The following KCNMA1 variants were observed in gnomAD, a reference collection of about 807,000 sequenced individuals.
KCNMA1 encodes the protein potassium calcium-activated channel subfamily M alpha 1.
A neutral mutation model predicts 140.0 loss-of-function variants in KCNMA1; 29 were observed. The observed-to-expected ratio is 0.21, with a 90% CI of 0.15 to 0.28. KCNMA1 has a LOEUF of 0.28. Ranked by LOEUF, KCNMA1 falls within the 10% of genes least tolerant of loss-of-function variation. The pLI is 1.00. For synonymous variants in KCNMA1, 612 were observed against 611.9 expected (o/e 1.00, Z 0.00); for missense variants, 880 against 1,602.2 (o/e 0.55, Z 7.70).
intron 5 of KCNMA1, among the ~76,000 whole-genome samples, chr10:77,134,041 T>C (rs2766624): frequency 0.15 from 23,273 of 152,142 alleles, 3,781 homozygotes; most frequent in East Asian, 0.87. Context: ...ACAGGCATCA[T>C]GCAATGATGG....
At chr10:77,393,025 C>G (rs1180687005) in intron 2 of KCNMA1, among the ~76,000 whole-genome samples, 3 of 152,268 alleles carry the variant, frequency 2.0e-5, no homozygotes, top group African/African-American at 7.2e-5. Context: ...AGTCCCCAGC[C>G]AGCTCAGGGA....
At chr10:77,104,145 C>A (rs2097154662) in intron 9 of KCNMA1, among the ~76,000 whole-genome samples, 1 of 152,206 alleles carries the variant, frequency 6.6e-6, no homozygotes, top group Admixed American at 6.5e-5. Flanking sequence ...TAATACCTTT[C>A]TCACAGGATC....
At chr10:77,559,334 C>T (rs911545223) in intron 1 of KCNMA1, among the ~76,000 whole-genome samples, 1 of 152,228 alleles carries the variant, frequency 6.6e-6, no homozygotes, top group Non-Finnish European at 1.5e-5. Flanking sequence ...CATGCCTCCC[C>T]ATGATCCAGC....
chr10:77,575,688 G>A (rs1388747640), intron 1 of KCNMA1, among the ~76,000 whole-genome samples: 2 of 152,244 alleles, frequency 1.3e-5, no homozygotes, highest in Non-Finnish European at 2.9e-5. Context: ...ATCACCCGGG[G>A]AGCATCTGAA....
chr10:77,489,824 G>C (rs1487322552), intron 1 of KCNMA1, among the ~76,000 whole-genome samples: 1 of 152,250 alleles, frequency 6.6e-6, no homozygotes, highest in African/African-American at 2.4e-5. Context: ...TGAGATGACA[G>C]TATCAAGGTT....
chr10:76,977,246 T>C (rs2077903580), intron 19 of KCNMA1, among the ~76,000 whole-genome samples: 1 of 152,208 alleles, frequency 6.6e-6, no homozygotes, highest in Non-Finnish European at 1.5e-5. Context: ...CTTTCTCATC[T>C]TTCTCAAGTT....
chr10:76,927,166 C>G, intron 23 of KCNMA1, among the ~76,000 whole-genome samples: 1 of 152,178 alleles, frequency 6.6e-6, no homozygotes, highest in Admixed American at 6.5e-5. Context: ...GATCTCCTTA[C>G]AGACTCCTTC....
intron 3 of KCNMA1, among the ~76,000 whole-genome samples, chr10:77,244,579 C>T (rs2058126708): frequency 1.3e-5 from 2 of 152,182 alleles, no homozygotes; most frequent in African/African-American, 4.8e-5. Flanking sequence ...TGTTTGACAA[C>T]CAAAGAACAG....
intron 22 of KCNMA1, among the ~76,000 whole-genome samples, chr10:76,945,807 A>G: frequency 8.0e-5 from 1 of 12,494 alleles, no homozygotes; most frequent in Non-Finnish European, 1.6e-4. Flanking sequence ...TCATTTATGT[A>G]AAAAAAAAAA....
intron 5 of KCNMA1, among the ~76,000 whole-genome samples, chr10:77,131,848 C>A (rs1477113405): frequency 6.6e-6 from 1 of 151,432 alleles, no homozygotes; most frequent in Non-Finnish European, 1.5e-5. Context: ...ACCTGTAATC[C>A]CAGCTACTTG....
intron 5 of KCNMA1, among the ~76,000 whole-genome samples, chr10:77,157,415 A>G (rs2098500910): frequency 6.6e-6 from 1 of 152,080 alleles, no homozygotes; most frequent in South Asian, 2.1e-4. Context: ...AAAAATATCT[A>G]GAATGATCTT....
rs183809570 is a variant in KCNMA1 at position 77,403,589 on chromosome 10, G to A, written c.540+273C>T. 3.1e-3 allele frequency among the ~76,000 whole-genome samples: 466 copies of A among 152,146 alleles called. 2 individuals are homozygous for A. The highest frequency in any genetic ancestry group is 0.014 in the Middle Eastern group (4 of 294). On this transcript the variant is annotated intron_variant, in intron 2 of 27. Transcript: ENST00000286628. Reference sequence around the variant, plus strand: ...GATGATGGAGGGTGTGTGTGTGTGCGCGCATGTGTGCTTTAGCAGAGGAAA... The same window carrying A: ...GATGATGGAGGGTGTGTGTGTGTGCACGCATGTGTGCTTTAGCAGAGGAAA...
chr10:77,634,504 T>C, intron 1 of KCNMA1: 1 of 985,310 alleles, frequency 1.0e-6, no homozygotes. Context: ...GACCAAACGC[T>C]CATGAAATTG....
intron 19 of KCNMA1, among the ~76,000 whole-genome samples, chr10:76,991,362 G>A (rs564140495): frequency 6.6e-5 from 10 of 152,314 alleles, no homozygotes; most frequent in Middle Eastern, 6.8e-3. Flanking sequence ...TTTGTTTCCA[G>A]ATCTTCTTTC....
intron 1 of KCNMA1, chr10:77,634,608 G>C (rs555522362): frequency 9.1e-6 from 9 of 985,220 alleles, no homozygotes; most frequent in Non-Finnish European, 1.1e-5. Context: ...GCTGAAGGAG[G>C]GTGAGGGTGA....
At chr10:77,193,396 T>C (rs987266591) in intron 3 of KCNMA1, among the ~76,000 whole-genome samples, 1 of 152,198 alleles carries the variant, frequency 6.6e-6, no homozygotes, top group Non-Finnish European at 1.5e-5. Context: ...TTGATTTTAG[T>C]TTTCACTAAA....
At chr10:77,005,887 A>C (rs35244797) in intron 18 of KCNMA1, among the ~76,000 whole-genome samples, 67,111 of 152,048 alleles carry the variant, frequency 0.44, 15,263 homozygotes, top group Middle Eastern at 0.56. Flanking sequence ...GCTTCTCAGA[A>C]GTGTTCTTGG....
chr10:77,389,030 G>A (rs2095714652), intron 2 of KCNMA1, among the ~76,000 whole-genome samples: 1 of 152,342 alleles, frequency 6.6e-6, no homozygotes, highest in African/African-American at 2.4e-5. Flanking sequence ...CATCCAGGGA[G>A]GCAAGGGGGA....
intron 2 of KCNMA1, among the ~76,000 whole-genome samples, chr10:77,379,727 T>C (rs12763065): frequency 6.6e-6 from 1 of 152,162 alleles, no homozygotes; most frequent in Non-Finnish European, 1.5e-5. Flanking sequence ...TTACTCTTAG[T>C]AATTGTTTCC....
Sources: gnomAD v4.1 joint callset for allele counts (sites outside exome capture counted in the v4.1 genomes callset) on GRCh38, gnomAD v4.1.1 for gene constraint, MANE v1.5 for transcripts, NCBI Gene and HGNC (gene_info 2026-07-23, HGNC 2026-07-21) for gene names.